The following FRMD4A variants were observed in gnomAD, a reference collection of about 807,000 sequenced individuals.
FRMD4A encodes the protein FERM domain containing 4A.
In FRMD4A, 29 loss-of-function variants were observed where a neutral mutation model predicts 129.1. The observed-to-expected ratio is 0.22, with a 90% CI of 0.17 to 0.31. The LOEUF is 0.31. Among genes scored for constraint, FRMD4A ranks in the 10% least tolerant of loss-of-function variants. The probability of loss-of-function intolerance (pLI) is 1.00; values close to 1 mark genes in which losing one functional copy is unlikely to be tolerated. For missense variants in FRMD4A, 1,272 were observed against 1,375.8 expected, an observed-to-expected ratio of 0.92 and a Z score of 1.19; for synonymous variants, 634 against 571.6, an observed-to-expected ratio of 1.11 and a Z score of -1.56.
At chr10:14,239,005 G>A (rs184277671) in intron 2 of FRMD4A, among the ~76,000 whole-genome samples, 98 of 152,100 alleles carry the variant, frequency 6.4e-4, no homozygotes, top group Middle Eastern at 3.4e-3. Flanking sequence ...GATTCCTTTC[G>A]ACTCTTATTT....
chr10:14,073,007 G>A (rs1835386678), intron 2 of FRMD4A, among the ~76,000 whole-genome samples: 2 of 151,718 alleles, frequency 1.3e-5, no homozygotes, highest in African/African-American at 4.9e-5. Context: ...AAGAGAGAAA[G>A]AGCCAAAAAG....
At chr10:13,911,986 G>A (rs1284333892) in intron 2 of FRMD4A, among the ~76,000 whole-genome samples, 1 of 152,214 alleles carries the variant, frequency 6.6e-6, no homozygotes, top group African/African-American at 2.4e-5. Context: ...AAACAGAGAA[G>A]AGAAAGTTTC....
chr10:14,062,919 G>C (rs977933889), intron 2 of FRMD4A, among the ~76,000 whole-genome samples: 1 of 152,196 alleles, frequency 6.6e-6, no homozygotes. Context: ...ATCCACACCA[G>C]TTGTCATTTT....
At chr10:13,931,083 C>T (rs2131284933) in intron 2 of FRMD4A, among the ~76,000 whole-genome samples, 1 of 152,352 alleles carries the variant, frequency 6.6e-6, no homozygotes, top group East Asian at 1.9e-4. Context: ...GATCCTCTCA[C>T]TTCAGCCTCC....
intron 3 of FRMD4A, among the ~76,000 whole-genome samples, chr10:13,818,294 G>A (rs781158582): frequency 6.6e-6 from 1 of 152,064 alleles, no homozygotes; most frequent in East Asian, 1.9e-4. Context: ...TCCTGAGTAG[G>A]GGGGGACTAC....
intron 2 of FRMD4A, among the ~76,000 whole-genome samples, chr10:13,930,256 C>T (rs777874605): frequency 4.6e-5 from 7 of 152,170 alleles, no homozygotes; most frequent in African/African-American, 7.2e-5. Context: ...TCACTCACTA[C>T]GCCCTGCTTT....
intron 2 of FRMD4A, among the ~76,000 whole-genome samples, chr10:14,265,536 A>G (rs535441558): frequency 6.6e-6 from 1 of 152,324 alleles, no homozygotes; most frequent in South Asian, 2.1e-4. Context: ...CATGTACACA[A>G]TTTGTAGAGG....
At chr10:14,278,735 G>T (rs1845422482) in intron 2 of FRMD4A, among the ~76,000 whole-genome samples, 3 of 152,154 alleles carry the variant, frequency 2.0e-5, no homozygotes, top group African/African-American at 7.2e-5. Flanking sequence ...AAGAGGCTGT[G>T]CACACTTTAC....
chr10:13,717,291 G>A (rs991670012), intron 12 of FRMD4A, among the ~76,000 whole-genome samples: 1 of 152,132 alleles, frequency 6.6e-6, no homozygotes, highest in Non-Finnish European at 1.5e-5. Context: ...TCTCTTTCCA[G>A]ATTGGTGTAA....
At chr10:13,944,839 A>G (rs1414829798) in intron 2 of FRMD4A, among the ~76,000 whole-genome samples, 1 of 152,230 alleles carries the variant, frequency 6.6e-6, no homozygotes, top group East Asian at 1.9e-4. Context: ...GTCAGATAGA[A>G]AGCAACTTCT....
chr10:13,947,169 C>T (rs1482772281), intron 2 of FRMD4A, among the ~76,000 whole-genome samples: 1 of 152,140 alleles, frequency 6.6e-6, no homozygotes, highest in Non-Finnish European at 1.5e-5. Context: ...AAGCGGAGAC[C>T]TGAGTGTCCC....
chr10:14,301,982 A>C (rs762012418), intron 2 of FRMD4A, among the ~76,000 whole-genome samples: 3 of 152,228 alleles, frequency 2.0e-5, no homozygotes, highest in Non-Finnish European at 4.4e-5. Flanking sequence ...AGTCATTCCC[A>C]GGGAGTTTTT....
chr10:13,709,615 G>T (rs755853622), intron 12 of FRMD4A, among the ~76,000 whole-genome samples: 1 of 152,056 alleles, frequency 6.6e-6, no homozygotes, highest in Non-Finnish European at 1.5e-5. Context: ...CTCCTCTCAC[G>T]TAAGGGATGT....
At chr10:14,127,519 TACAGCTAG>T in intron 2 of FRMD4A, among the ~76,000 whole-genome samples, 1 of 152,278 alleles carries the variant, frequency 6.6e-6, no homozygotes, top group South Asian at 2.1e-4. Context: ...AAGATGGCAC[TACAGCTAG>T]ACGGCCCAGA....
Position 14,058,605 on chromosome 10 carries a change from T to C in FRMD4A, c.46-199693A>G, listed in dbSNP as rs570377009. Among the ~76,000 whole-genome samples the C allele has an allele frequency of 2.0e-5, 3 of 152,376 alleles. No homozygotes were observed. The South Asian group carries it at 6.2e-4, about 32-fold the overall frequency. ...AGAAATTCACTGTTGACTGGGAACC[T>C]GATCTAGGGAGGCACAGATTGGATT... On this transcript the variant is annotated intron_variant, in intron 2 of 24. Coordinates refer to ENST00000357447, the MANE Select transcript of FRMD4A (RefSeq NM_018027.5).
intron 2 of FRMD4A, among the ~76,000 whole-genome samples, chr10:14,081,324 C>T (rs1835915038): frequency 6.6e-6 from 1 of 152,166 alleles, no homozygotes; most frequent in South Asian, 2.1e-4. Flanking sequence ...AGCCAATGTA[C>T]CTCCTTCAGG....
chr10:14,036,420 A>T (rs2131668177), intron 2 of FRMD4A, among the ~76,000 whole-genome samples: 1 of 152,336 alleles, frequency 6.6e-6, no homozygotes, highest in African/African-American at 2.4e-5. Context: ...AGCTGGAAAG[A>T]TAAACACCCC....
At chr10:14,242,632 T>C (rs767748720) in intron 2 of FRMD4A, among the ~76,000 whole-genome samples, 12 of 152,150 alleles carry the variant, frequency 7.9e-5, no homozygotes, top group Non-Finnish European at 1.8e-4. Flanking sequence ...AAAACAAGGA[T>C]AAGGAGGCAA....
intron 3 of FRMD4A, among the ~76,000 whole-genome samples, chr10:13,820,934 A>G (rs2093620984): frequency 6.6e-6 from 1 of 152,216 alleles, no homozygotes; most frequent in Non-Finnish European, 1.5e-5. Flanking sequence ...CTCTCTGGAC[A>G]GGAGGGGCCG....
Sources: gnomAD v4.1 joint callset for allele counts (sites outside exome capture counted in the v4.1 genomes callset) on GRCh38, gnomAD v4.1.1 for gene constraint, MANE v1.5 for transcripts, NCBI Gene and HGNC (gene_info 2026-07-23, HGNC 2026-07-21) for gene names.